The following IL1R2 variants were observed in gnomAD, a reference collection of about 807,000 sequenced individuals.
The protein encoded by IL1R2 is interleukin-1 receptor type 2.
IL1R2 carries 46 observed loss-of-function variants against 39.5 expected under a neutral mutation model. The ratio of observed to expected loss-of-function variants is 1.16; its 90% CI spans 0.92 to 1.49. The LOEUF is 1.49. Ranked by LOEUF, IL1R2 falls within the 40% of genes most tolerant of loss-of-function variation. IL1R2 has a pLI of 0.00. For synonymous variants in IL1R2, 207 were observed against 189.6 expected, an observed-to-expected ratio of 1.09 and a Z score of -0.75; for missense variants, 537 against 502.0, an observed-to-expected ratio of 1.07 and a Z score of -0.67.
At chr2:102,001,920 A>G (rs371851300) in intron 1 of IL1R2, 2 of 152,198 alleles carry the variant, frequency 1.3e-5, no homozygotes. Context: ...CCTGATAGCT[A>G]TGTGACTTCA....
At chr2:101,999,291 G>C (rs972788603) in intron 1 of IL1R2, among the ~76,000 whole-genome samples, 2 of 152,212 alleles carry the variant, frequency 1.3e-5, no homozygotes, top group Admixed American at 6.5e-5. Context: ...TTATAAGACA[G>C]AAAGCAAAAT....
intron 5 of IL1R2, among the ~76,000 whole-genome samples, chr2:102,021,893 T>C (rs1427149338): frequency 2.6e-5 from 4 of 152,190 alleles, no homozygotes; most frequent in African/African-American, 9.7e-5. Flanking sequence ...TTTCAGGAAG[T>C]CTGGGAGGGA....
chr2:101,995,673 A>T (rs1474337632), intron 1 of IL1R2, among the ~76,000 whole-genome samples: 1 of 152,182 alleles, frequency 6.6e-6, no homozygotes, highest in African/African-American at 2.4e-5. Context: ...TCCAAGGTGT[A>T]CTGTGGCAAT....
chr2:102,028,076 G>T, intron 8 of IL1R2, 150 bp from the exon 9 acceptor site: 1 of 611,688 alleles, frequency 1.6e-6, no homozygotes, highest in Non-Finnish European at 2.7e-6. Context: ...CTCCATGTTG[G>T]TGTGAGGGAT....
At chr2:102,021,649 G>A (rs569217742) in intron 5 of IL1R2, among the ~76,000 whole-genome samples, 23 of 152,336 alleles carry the variant, frequency 1.5e-4, no homozygotes, top group Non-Finnish European at 3.1e-4. Flanking sequence ...ATCCCTTGGA[G>A]ATCCACTTCT....
intron 3 of IL1R2, among the ~76,000 whole-genome samples, chr2:102,015,176 G>A (rs1239600048): frequency 6.6e-6 from 1 of 152,142 alleles, no homozygotes; most frequent in Non-Finnish European, 1.5e-5. Flanking sequence ...ATGTGGATAT[G>A]GTTTCCTGGA....
rs776422051 is a variant in IL1R2, at chr2:102,028,310, G to A, written c.1115G>A (p.Arg372Gln). ...TTGGGGGGAATATGGATGCACAGAC[G>A]GTGCAAACACAGAACTGGAAAAGCA... ...LVLGGIWMHRRCKHRTGKADG... is the reference protein window; with the variant it reads ...LVLGGIWMHRQCKHRTGKADG... The change falls in exon 9 of 9, where the codon CGG becomes CAG. Residue 372 changes from arginine to glutamine, a missense_variant. By Grantham distance (43) the Arg-to-Gln change is conservative. Coordinates refer to ENST00000332549, the MANE Select transcript of IL1R2 (RefSeq NM_004633.4). 1.7e-5 allele frequency: 28 copies of A among 1,612,276 alleles called. No homozygotes were observed. The highest frequency in any genetic ancestry group is 8.4e-5 in the Admixed American group (5 of 59,636).
intron 1 of IL1R2, among the ~76,000 whole-genome samples, chr2:101,994,292 G>A (rs1675481867): frequency 1.3e-5 from 2 of 152,024 alleles, no homozygotes; most frequent in Non-Finnish European, 2.9e-5. Context: ...TTAGAGCTGA[G>A]GGATCCAGAA....
At position 102,028,026 on chromosome 2, in the gene IL1R2, G is replaced by A. The variant is rs1577743294; in HGVS notation, c.1031-200G>A. 2.0e-5 allele frequency among the ~76,000 whole-genome samples: 3 copies of A among 152,154 alleles called. No individual in the cohort carries two copies. In the South Asian group the frequency reaches 6.2e-4, roughly 32 times the overall value. ...TTTCTAACAGATTTTGCCCTATCAC[G>A]CTCGTTTCTCTAATGCCACAGACAT... is the stretch of plus-strand genomic sequence containing the variant. On this transcript the variant is annotated intron_variant, in intron 8 of 8. Coordinates refer to ENST00000332549, the MANE Select transcript of IL1R2 (RefSeq NM_004633.4).
intron 3 of IL1R2, among the ~76,000 whole-genome samples, chr2:102,013,819 TG>T (rs1676818378): frequency 2.0e-5 from 3 of 152,236 alleles, no homozygotes; most frequent in Non-Finnish European, 4.4e-5. Flanking sequence ...GGGTCTCTCA[TG>T]GCTGTTACAA....
chr2:102,021,271 T>C (rs1350038355), intron 5 of IL1R2, among the ~76,000 whole-genome samples: 1 of 151,490 alleles, frequency 6.6e-6, no homozygotes, highest in Non-Finnish European at 1.5e-5. Context: ...TTTTGCTCAT[T>C]TCAGGGGCCT....
intron 1 of IL1R2, among the ~76,000 whole-genome samples, chr2:102,006,907 C>T (rs1043888146): frequency 2.0e-5 from 3 of 152,178 alleles, no homozygotes; most frequent in African/African-American, 4.8e-5. Context: ...TTGGCCGCAT[C>T]GTTTCCAGTT....
At chr2:102,002,865 G>C (rs553236607) in intron 1 of IL1R2, among the ~76,000 whole-genome samples, 1 of 91,158 alleles carries the variant, frequency 1.1e-5, no homozygotes, top group South Asian at 4.0e-4. Flanking sequence ...TCTAGGTCTA[G>C]GTCTGTGTCT....
At position 102,009,647 on chromosome 2, in the gene IL1R2, C is replaced by G. The variant is rs553334405; in HGVS notation, c.153C>G (p.Pro51=). The change falls in exon 3 of 9, where the codon CCC becomes CCG. Residue 51 remains proline, a synonymous_variant. Transcript: ENST00000332549. Reference sequence around the variant, plus strand: ...GGGAGCCTGTAGCCCTGAGGTGCCCCCAGGTGCCCTACTGGTTGTGGGCCT... The same window carrying G: ...GGGAGCCTGTAGCCCTGAGGTGCCCGCAGGTGCCCTACTGGTTGTGGGCCT... ...LEGEPVALRC[P]QVPYWLWASV... is the part of the protein sequence containing the mutation. 1 of 1,614,134 alleles carries G rather than the reference C, an allele frequency of 6.2e-7. No individual in the cohort carries two copies.
At chr2:102,009,167 C>T (rs527405504) in intron 2 of IL1R2, among the ~76,000 whole-genome samples, 2 of 152,138 alleles carry the variant, frequency 1.3e-5, no homozygotes, top group Non-Finnish European at 1.5e-5. Flanking sequence ...TTTAACCATA[C>T]GACGTGCCAG....
At chr2:102,000,133 T>C (rs1196374504) in intron 1 of IL1R2, among the ~76,000 whole-genome samples, 1 of 152,242 alleles carries the variant, frequency 6.6e-6, no homozygotes, top group Admixed American at 6.5e-5. Context: ...AACTGTGTCC[T>C]TGAGCAAGCT....
intron 1 of IL1R2, among the ~76,000 whole-genome samples, chr2:101,997,133 G>A (rs559425002): frequency 2.0e-5 from 3 of 152,194 alleles, no homozygotes; most frequent in Non-Finnish European, 4.4e-5. Flanking sequence ...ACTGGCTTCT[G>A]TGGAGATGTC....
chr2:102,007,533 G>C (rs907512128), intron 1 of IL1R2, among the ~76,000 whole-genome samples: 5 of 152,276 alleles, frequency 3.3e-5, no homozygotes, highest in Admixed American at 1.3e-4. Context: ...GCAGGGTTCT[G>C]TCAACCAAAA....
At chr2:102,018,152 C>T (rs1035791957) in intron 4 of IL1R2, among the ~76,000 whole-genome samples, 3 of 152,156 alleles carry the variant, frequency 2.0e-5, no homozygotes, top group Non-Finnish European at 2.9e-5. Context: ...GCCAGGCTGG[C>T]CTCGAACTCC....
Sources: allele counts gnomAD v4.1 joint callset (sites outside exome capture counted in the v4.1 genomes callset), GRCh38; gene constraint gnomAD v4.1.1; transcripts MANE v1.5; gene names NCBI Gene and HGNC (gene_info 2026-07-23, HGNC 2026-07-21).